Variants in ASH2L observed in about 807,000 individuals in gnomAD.
ASH2L encodes the protein ASH2 like, histone lysine methyltransferase complex subunit.
ASH2L carries 30 observed loss-of-function variants against 81.1 expected under a neutral mutation model. That is an observed-to-expected ratio of 0.37 (90% CI 0.28 to 0.50). ASH2L has a LOEUF of 0.50. Among genes scored for constraint, ASH2L ranks in the 20% least tolerant of loss-of-function variants. ASH2L has a pLI of 0.95. For missense variants in ASH2L, 559 were observed against 792.1 expected, an observed-to-expected ratio of 0.71 and a Z score of 3.53; for synonymous variants, 273 against 279.9, an observed-to-expected ratio of 0.98 and a Z score of 0.24.
chr8:38,121,373 A>ATG (rs1811143929), intron 10 of ASH2L, among the ~76,000 whole-genome samples: 1 of 108,306 alleles, frequency 9.2e-6, no homozygotes, highest in African/African-American at 3.3e-5. Flanking sequence ...ATATATATAT[A>ATG]TATATGGTTT....
At chr8:38,127,717 TG>T (rs1277173806) in intron 10 of ASH2L, among the ~76,000 whole-genome samples, 8 of 138,370 alleles carry the variant, frequency 5.8e-5, no homozygotes, top group African/African-American at 2.2e-4. Flanking sequence ...TACTCCAGCC[TG>T]GGCTACAGAA....
At chr8:38,106,591 T>A in intron 2 of ASH2L, 147 bp downstream of exon 2, 1 of 643,270 alleles carries the variant, frequency 1.6e-6, no homozygotes, top group Non-Finnish European at 2.6e-6. Context: ...CACTGCAACC[T>A]CCTCCCCCCG....
chr8:38,126,920 A>C (rs570193072), intron 10 of ASH2L, among the ~76,000 whole-genome samples: 211 of 152,006 alleles, frequency 1.4e-3, no homozygotes, highest in African/African-American at 4.7e-3. Context: ...TCATTCCTGT[A>C]ATCCCAGAAC....
intron 11 of ASH2L, 70 bp from the exon 12 acceptor site, chr8:38,128,688 C>G (rs568556335): frequency 6.4e-7 from 1 of 1,557,550 alleles, no homozygotes; most frequent in Non-Finnish European, 8.6e-7. Flanking sequence ...GAAATAGGAT[C>G]TTTTTCCTTC....
chr8:38,119,165 G>A (rs1444461266), intron 8 of ASH2L, 105 bp from the exon 9 acceptor site: 1 of 968,284 alleles, frequency 1.0e-6, no homozygotes, highest in African/African-American at 1.7e-5. Context: ...TCCTCCTGTG[G>A]TGTTACACAA....
intron 8 of ASH2L, among the ~76,000 whole-genome samples, chr8:38,117,981 C>A (rs1385484039): frequency 2.0e-5 from 3 of 152,148 alleles, no homozygotes; most frequent in African/African-American, 7.2e-5. Flanking sequence ...ATCGTTTGAA[C>A]CCAGGAGGCA....
chr8:38,125,713 G>A (rs7016478), intron 10 of ASH2L, among the ~76,000 whole-genome samples: 1,675 of 152,032 alleles, frequency 0.011, 30 homozygotes, highest in South Asian at 0.08. Flanking sequence ...CTTAAATACC[G>A]GTTCATCTCC....
At chr8:38,114,861 A>C in intron 6 of ASH2L, 44 bp from the exon 7 acceptor site, 2 of 1,263,508 alleles carry the variant, frequency 1.6e-6, no homozygotes, top group Non-Finnish European at 2.3e-6. Flanking sequence ...CCATACTTTT[A>C]AGTATAAAAT....
intron 10 of ASH2L, 62 bp from the exon 11 acceptor site, chr8:38,128,229 G>A (rs894035850): frequency 6.3e-7 from 1 of 1,585,624 alleles, no homozygotes; most frequent in African/African-American, 1.4e-5. Context: ...ATGTTTTTGT[G>A]GCAATTGTCC....
chr8:38,117,319 T>C (rs1314329439), intron 8 of ASH2L: 3 of 378,528 alleles, frequency 7.9e-6, no homozygotes, highest in African/African-American at 2.2e-5. Flanking sequence ...GTCTTAAATA[T>C]CTGATCATTT....
chr8:38,123,737 C>T (rs2130534131), intron 10 of ASH2L, among the ~76,000 whole-genome samples: 1 of 152,286 alleles, frequency 6.6e-6, no homozygotes, highest in Middle Eastern at 3.4e-3. Context: ...TCTCTTTTTT[C>T]CACCATCTTC....
intron 14 of ASH2L, 24 bp from the exon 15 acceptor site, chr8:38,138,792 C>A: frequency 6.2e-7 from 1 of 1,607,026 alleles, no homozygotes. Flanking sequence ...TTTTCCATGT[C>A]TGCTTGAATT....
rs558166062 is a variant in ASH2L, at chr8:38,114,491, C to T, written c.681+204C>T. Among the ~76,000 whole-genome samples, 5 of 152,138 alleles carry T rather than the reference C, an allele frequency of 3.3e-5. No individual in the cohort carries two copies. The East Asian group carries it at 9.6e-4, about 29-fold the overall frequency. The stretch of plus-strand genomic sequence containing the variant: ...TGCATATTGTCTTATATGAACATTG[C>T]CCGCATACACCTGGTTTTATGTATT... On this transcript the variant is annotated intron_variant, in intron 6 of 15. Transcript: ENST00000343823.
chr8:38,131,298 G>A (rs1485191561), intron 12 of ASH2L, among the ~76,000 whole-genome samples: 2 of 151,832 alleles, frequency 1.3e-5, no homozygotes, highest in Non-Finnish European at 2.9e-5. Context: ...AAAGGATTCT[G>A]TAGGTGTTTT....
chr8:38,106,145 T>C, intron 1 of ASH2L: 1 of 1,530,208 alleles, frequency 6.5e-7, no homozygotes, highest in African/African-American at 1.4e-5. Context: ...CCCAGGTAGA[T>C]TTGACTGTAA....
chr8:38,139,183 C>G lies in ASH2L; in HGVS notation c.*112C>G, dbSNP rs1003720020. 6.9e-6 allele frequency: 6 copies of G among 875,340 alleles called. No individual in the cohort carries two copies. Among genetic ancestry groups the G allele is most frequent in the Non-Finnish European group, 1.0e-5 (6 of 587,170 alleles). The allele number at this position is 875,340 out of a possible 1,614,324, so 54.2% of individuals were successfully genotyped here. On this transcript the variant is annotated 3_prime_UTR_variant, in exon 16 of 16. Coordinates refer to ENST00000343823, the MANE Select transcript of ASH2L (RefSeq NM_004674.5). ...AAAGATGCTAAAAACACAGCCTCTC[C>G]TTTTAGCAAGTTAAAAGGCTGGGTA...
At chr8:38,136,493 G>A (rs1471363381) in intron 14 of ASH2L, among the ~76,000 whole-genome samples, 5 of 151,894 alleles carry the variant, frequency 3.3e-5, no homozygotes, top group Non-Finnish European at 5.9e-5. Flanking sequence ...GAAAAGTTGG[G>A]GCTGGGTGCA....
intron 10 of ASH2L, among the ~76,000 whole-genome samples, chr8:38,127,890 A>G (rs1351497001): frequency 2.0e-5 from 3 of 151,744 alleles, no homozygotes; most frequent in African/African-American, 7.3e-5. Flanking sequence ...TACTAAAAAT[A>G]CAAAAATGAG....
At chr8:38,121,880 T>C (rs1801644290) in intron 10 of ASH2L, among the ~76,000 whole-genome samples, 2 of 152,176 alleles carry the variant, frequency 1.3e-5, no homozygotes, top group Non-Finnish European at 2.9e-5. Context: ...TTCTCCACTG[T>C]AAAAAACTAC....
Sources: gnomAD v4.1 joint callset for allele counts (sites outside exome capture counted in the v4.1 genomes callset) on GRCh38, gnomAD v4.1.1 for gene constraint, MANE v1.5 for transcripts, NCBI Gene and HGNC (gene_info 2026-07-23, HGNC 2026-07-21) for gene names.